The following PRR36 variants were observed in gnomAD, a reference collection of about 807,000 sequenced individuals.
PRR36 encodes proline rich 36.
A neutral mutation model predicts 58.6 loss-of-function variants in PRR36; 30 were observed. The observed-to-expected ratio is 0.51, with a 90% confidence interval of 0.38 to 0.69. The LOEUF (loss-of-function observed/expected upper bound fraction) is 0.69, where lower values mean the gene tolerates loss of function less well. Ranked by LOEUF, PRR36 falls within the 30% of genes least tolerant of loss-of-function variation. The probability of loss-of-function intolerance (pLI) is 0.00; values close to 1 mark genes in which losing one functional copy is unlikely to be tolerated. For synonymous variants in PRR36, 771 were observed against 829.3 expected (o/e 0.93, Z 1.21); for missense variants, 1,692 against 1,805.6 (o/e 0.94, Z 1.14).
In PRR36 at chr19:7,868,876, A is replaced by T. The variant is rs1392872765; in HGVS notation, c.*157T>A. On this transcript the variant is annotated 3_prime_UTR_variant, in exon 6 of 6. Transcript: ENST00000618550. The stretch of plus-strand genomic sequence containing the variant: ...AGGTCAAAGCTGTGGGTAGGTCCCG[A>T]GCCTCCGAGGCCAAAGGCTCAGGCT... 2.3e-6 allele frequency: 2 copies of T among 868,888 alleles called. No individual in the cohort carries two copies. The highest frequency in any genetic ancestry group is 3.3e-6 in the Non-Finnish European group (2 of 604,188). The allele number at this position is 868,888 out of a possible 1,614,324, so 53.8% of individuals were successfully genotyped here. A position where few individuals can be genotyped will look rare whatever the true frequency, so the allele number is the denominator to read the frequency against.
Position 7,868,951 on chromosome 19 carries a change from C to T in PRR36, c.*82G>A. The stretch of plus-strand genomic sequence containing the variant: ...CAGCGGGGCTCCAGGGCAGTGGAGG[C>T]GGGGTCTAAAACAAACGGCGTACCC... On this transcript the variant is annotated 3_prime_UTR_variant, in exon 6 of 6. Transcript: ENST00000618550. The T allele has an allele frequency of 7.1e-7, 1 of 1,399,230 alleles. No individual in the cohort carries two copies. The highest frequency in any genetic ancestry group is 9.4e-7 in the Non-Finnish European group (1 of 1,062,634). 86.7% of individuals were successfully genotyped at this position (1,399,230 alleles called of 1,614,324 possible).
rs1170518307 is a variant in PRR36, at chr19:7,871,735, C to T, written c.1509G>A (p.Pro503=). ...TTPPPQASPS[P]SPPSLQATPH... ...GCGTGGCCTGGAGAGAGGGCGGAGACGGGGAAGGACTGGCCTGCGGAGGGG... is the reference window on the plus strand; with the variant it reads ...GCGTGGCCTGGAGAGAGGGCGGAGATGGGGAAGGACTGGCCTGCGGAGGGG... The change falls in exon 5 of 6, where the codon CCG becomes CCA. Residue 503 remains proline (P), a synonymous_variant. Transcript: ENST00000618550. 2 of 1,535,558 alleles carry T rather than the reference C, an allele frequency of 1.3e-6. No individual in the cohort carries two copies. Among genetic ancestry groups the T allele is most frequent in the Admixed American group, 2.0e-5 (1 of 50,940 alleles).
rs12981352 is a variant in PRR36 at position 7,871,124 on chromosome 19, A to G, written c.2120T>C (p.Ile707Thr). The G allele has an allele frequency of 2.0e-6, 3 of 1,534,122 alleles. No homozygotes were observed. Among genetic ancestry groups the G allele is most frequent in the Non-Finnish European group, 2.6e-6 (3 of 1,146,230 alleles). Reference sequence around the variant, plus strand: ...AGATTGGGTCTCCAGAGGGGGCATGATCAGGGAAGAGAGAGGTGCCTGAGG... The same window carrying G: ...AGATTGGGTCTCCAGAGGGGGCATGGTCAGGGAAGAGAGAGGTGCCTGAGG... ...HSPQAPLSSL[I>T]MPPLETQSSL... The change falls in exon 5 of 6, where the codon ATC (isoleucine) becomes ACC (threonine). Residue 707 changes from isoleucine (I) to threonine (T), a missense_variant. Physicochemically the swap from Ile to Thr is moderately conservative, Grantham distance 89. Transcript: ENST00000618550.
Position 7,873,788 on chromosome 19 carries a change from CAT to C in PRR36, c.-7-94_-7-93del, listed in dbSNP as rs1980583721. 7.9e-7 allele frequency: 1 copy of C among 1,258,290 alleles called. No homozygotes were observed. Among genetic ancestry groups the C allele is most frequent in the Non-Finnish European group, 1.1e-6 (1 of 928,204 alleles). 77.9% of individuals were successfully genotyped at this position (1,258,290 alleles called of 1,614,324 possible). On this transcript the variant is annotated intron_variant, in intron 1 of 5. Coordinates refer to ENST00000618550, the MANE Select transcript of PRR36 (RefSeq NM_001190467.2). This position sits in a 1 kb window ranked among gnomAD's most constrained non-coding sequence, Gnocchi z 5.0. ...CTGCTACCTCACTGCCCTTTCGCAGCATCGCCACCCATGGACACTCAAACCTC... is the reference window on the plus strand; with the variant it reads ...CTGCTACCTCACTGCCCTTTCGCAGCCGCCACCCATGGACACTCAAACCTC...
Position 7,869,359 on chromosome 19 carries a change from G to C in PRR36, c.3715C>G (p.Pro1239Ala). 7.0e-7 allele frequency: 1 copy of C among 1,433,374 alleles called. No homozygotes were observed. 88.8% of individuals were successfully genotyped at this position (1,433,374 alleles called of 1,614,324 possible). ...GAGAGASSRS[P>A]KQARLGELPL... ...AGCTCGCCCAGGCGCGCCTGCTTCGGGCTCCGCGAGGACGCCCCGGCCCCG... is the reference window on the plus strand; with the variant it reads ...AGCTCGCCCAGGCGCGCCTGCTTCGCGCTCCGCGAGGACGCCCCGGCCCCG... The change falls in exon 6 of 6, where the codon CCG becomes GCG. Residue 1239 changes from proline (P) to alanine (A), a missense_variant. Around this residue, in one of 5 missense-constraint regions of PRR36, gnomAD observed 485 missense variants for 549.2 expected, o/e 0.88. Transcript: ENST00000618550.
chr19:7,868,892 G>C lies in PRR36; in HGVS notation c.*141C>G. The C allele has an allele frequency of 9.6e-7, 1 of 1,039,554 alleles. No individual in the cohort carries two copies. Among genetic ancestry groups the C allele is most frequent in the Non-Finnish European group, 1.3e-6 (1 of 757,056 alleles). The allele number at this position is 1,039,554 out of a possible 1,614,324, so 64.4% of individuals were successfully genotyped here. ...TAGGTCCCGAGCCTCCGAGGCCAAAGGCTCAGGCTCTAGGGAGCTAAGACT... is the reference window on the plus strand; with the variant it reads ...TAGGTCCCGAGCCTCCGAGGCCAAACGCTCAGGCTCTAGGGAGCTAAGACT... On this transcript the variant is annotated 3_prime_UTR_variant, in exon 6 of 6. Coordinates refer to ENST00000618550, the MANE Select transcript of PRR36 (RefSeq NM_001190467.2).
Position 7,873,030 on chromosome 19 carries a change from C to G in PRR36, c.375-69G>C. On this transcript the variant is annotated intron_variant, in intron 3 of 5. Transcript: ENST00000618550. This position sits in a 1 kb window ranked among gnomAD's most constrained non-coding sequence, Gnocchi z 5.0. ...GCTTCCCAAGTCTCTATTTTCCCAT[C>G]TGTGAAATGGGCATGTGCCCTCTCT... 1.4e-6 allele frequency: 2 copies of G among 1,411,470 alleles called. No homozygotes were observed. Among genetic ancestry groups the G allele is most frequent in the South Asian group, 1.2e-5 (1 of 80,198 alleles). 87.4% of individuals were successfully genotyped at this position (1,411,470 alleles called of 1,614,324 possible).
At position 7,870,856 on chromosome 19, in the gene PRR36, C is replaced by A. The variant is rs1449847630; in HGVS notation, c.2388G>T (p.Ser796=). 1 of 1,435,410 alleles carries A rather than the reference C, an allele frequency of 7.0e-7. No homozygotes were observed. The highest frequency in any genetic ancestry group is 1.5e-5 in the South Asian group (1 of 67,036). The allele number at this position is 1,435,410 out of a possible 1,614,324, so 88.9% of individuals were successfully genotyped here. A position where few individuals can be genotyped will look rare whatever the true frequency, so the allele number is the denominator to read the frequency against. ...PAPCPLQAPP[S]PLTTPPPETP... is the part of the protein sequence containing the mutation. Reference sequence around the variant, plus strand: ...TCTCCGGAGGGGGCGTGGTCAATGGCGAAGGTGGTGCTTGCAGAGGGCATG... The same window carrying A: ...TCTCCGGAGGGGGCGTGGTCAATGGAGAAGGTGGTGCTTGCAGAGGGCATG... Residue 796 remains serine, a synonymous_variant, in exon 5 of 6, where the codon TCG becomes TCT. Transcript: ENST00000618550.
chr19:7,871,123 G>A lies in PRR36; in HGVS notation c.2121C>T (p.Ile707=), dbSNP rs1357978280. The change falls in exon 5 of 6, where the codon ATC becomes ATT. Residue 707 remains isoleucine (I), a synonymous_variant. Coordinates refer to ENST00000618550, the MANE Select transcript of PRR36 (RefSeq NM_001190467.2). ...AAGATTGGGTCTCCAGAGGGGGCAT[G>A]ATCAGGGAAGAGAGAGGTGCCTGAG... ...HSPQAPLSSL[I]MPPLETQSSL... The A allele has an allele frequency of 5.9e-6, 9 of 1,535,184 alleles. No individual in the cohort carries two copies. Among genetic ancestry groups the A allele is most frequent in the Non-Finnish European group, 7.0e-6 (8 of 1,146,540 alleles).
At position 7,869,974 on chromosome 19, in the gene PRR36, C is replaced by G. The variant is rs1264283456; in HGVS notation, c.3270G>C (p.Ser1090=). ...CCAACGCCAGGGTCAGCCGTGGGCC[C>G]GAGACGGAGGTATCCGGACCCGGGG... ...PPTPGPDTSV[S]GPRLTLALAP... The change falls in exon 5 of 6, where the codon TCG becomes TCC. Residue 1090 remains serine (S), a synonymous_variant. Coordinates refer to ENST00000618550, the MANE Select transcript of PRR36 (RefSeq NM_001190467.2). The G allele has an allele frequency of 2.2e-6, 3 of 1,391,186 alleles. No homozygotes were observed. Among genetic ancestry groups the G allele is most frequent in the South Asian group, 1.6e-5 (1 of 63,914 alleles). 86.2% of individuals were successfully genotyped at this position (1,391,186 alleles called of 1,614,324 possible). A position where few individuals can be genotyped will look rare whatever the true frequency, so the allele number is the denominator to read the frequency against.
rs994025028 is a variant in PRR36, at chr19:7,868,973, A to G, written c.*60T>C. The stretch of plus-strand genomic sequence containing the variant: ...AGGCGGGGTCTAAAACAAACGGCGT[A>G]CCCGGAGGGGCGGATCCTAAGGCAG... On this transcript the variant is annotated 3_prime_UTR_variant, in exon 6 of 6. Transcript: ENST00000618550. 2.8e-6 allele frequency: 4 copies of G among 1,449,052 alleles called. No homozygotes were observed. In the Admixed American group the frequency reaches 9.4e-5, roughly 34 times the overall value. 89.8% of individuals were successfully genotyped at this position (1,449,052 alleles called of 1,614,324 possible). A position where few individuals can be genotyped will look rare whatever the true frequency, so the allele number is the denominator to read the frequency against.
chr19:7,870,023 A>G lies in PRR36; in HGVS notation c.3221T>C (p.Leu1074Pro). The change falls in exon 5 of 6, where the codon CTG becomes CCG. Residue 1074 changes from leucine (L) to proline (P), a missense_variant. Leu to Pro is a moderately conservative substitution (Grantham distance 98). This residue lies in a region of PRR36 where 485 missense variants were observed against 549.2 expected (regional missense o/e 0.88). Transcript: ENST00000618550. ...VPPSPPASPT[L>P]QAPRRPPTPG... is the part of the protein sequence containing the mutation. ...GGTCGGGGGGCGGCGTGGGGCCTGC[A>G]GGGTGGGTGAGGCAGGGGGAGAGGG... The G allele has an allele frequency of 1.4e-6, 2 of 1,410,702 alleles. No homozygotes were observed. Among genetic ancestry groups the G allele is most frequent in the Non-Finnish European group, 1.8e-6 (2 of 1,084,352 alleles). 87.4% of individuals were successfully genotyped at this position (1,410,702 alleles called of 1,614,324 possible). A position where few individuals can be genotyped will look rare whatever the true frequency, so the allele number is the denominator to read the frequency against.
In PRR36 at chr19:7,869,557, A is replaced by T; in HGVS notation, c.3530-13T>A. ...GGCAGGGGCGCACCTGCGGGGAGAG[A>T]CGCCAGGTGGGCCGTGGGGGTGATA... On this transcript the variant is annotated splice_polypyrimidine_tract_variant and intron_variant, in intron 5 of 5. Coordinates refer to ENST00000618550, the MANE Select transcript of PRR36 (RefSeq NM_001190467.2). 6.6e-7 allele frequency: 1 copy of T among 1,516,648 alleles called. No homozygotes were observed. The highest frequency in any genetic ancestry group is 8.8e-7 in the Non-Finnish European group (1 of 1,138,526). The allele number at this position is 1,516,648 out of a possible 1,614,324, so 93.9% of individuals were successfully genotyped here.
intron 5 of PRR36, 84 bp downstream of exon 5, chr19:7,869,631 C>T (rs1980281114): frequency 1.4e-6 from 2 of 1,446,296 alleles, no homozygotes; most frequent in East Asian, 2.9e-5. Context: ...AGCTCCGCCC[C>T]GGACCCAGCT....
In PRR36 at chr19:7,872,778, A is replaced by C; in HGVS notation, c.488-22T>G. The C allele has an allele frequency of 1.3e-6, 2 of 1,506,122 alleles. No individual in the cohort carries two copies. Among genetic ancestry groups the C allele is most frequent in the Non-Finnish European group, 1.8e-6 (2 of 1,132,182 alleles). 93.3% of individuals were successfully genotyped at this position (1,506,122 alleles called of 1,614,324 possible). A position where few individuals can be genotyped will look rare whatever the true frequency, so the allele number is the denominator to read the frequency against. ...GTGTCTGGAGAAAAAGTAGAAGGCC[A>C]AGGGTCACCGATACCTCTGAGGCGG... is the stretch of plus-strand genomic sequence containing the variant. On this transcript the variant is annotated intron_variant, in intron 4 of 5. Coordinates refer to ENST00000618550, the MANE Select transcript of PRR36 (RefSeq NM_001190467.2). The surrounding 1 kb of genome is among the most constrained non-coding windows in gnomAD (Gnocchi z 6.1).
At position 7,869,915 on chromosome 19, in the gene PRR36, G is replaced by A. The variant is rs1980297311; in HGVS notation, c.3329C>T (p.Pro1110Leu). The A allele has an allele frequency of 7.3e-7, 1 of 1,363,568 alleles. No individual in the cohort carries two copies. The highest frequency in any genetic ancestry group is 9.4e-7 in the Non-Finnish European group (1 of 1,065,302). 84.5% of individuals were successfully genotyped at this position (1,363,568 alleles called of 1,614,324 possible). Reference sequence around the variant, plus strand: ...GTCTGGGCCGCTCAGCGTGCTGGACGGGCTGCGCGAGGGCGGCGGCGGCGG... The same window carrying A: ...GTCTGGGCCGCTCAGCGTGCTGGACAGGCTGCGCGAGGGCGGCGGCGGCGG... Reference protein sequence around the residue: ...PGPPPPPSRSPSSTLSGPDLA... With the variant: ...PGPPPPPSRSLSSTLSGPDLA... Residue 1110 changes from proline to leucine, a missense_variant, in exon 5 of 6, where the codon CCG becomes CTG. Around this residue, in one of 5 missense-constraint regions of PRR36, gnomAD observed 485 missense variants for 549.2 expected, o/e 0.88. Coordinates refer to ENST00000618550, the MANE Select transcript of PRR36 (RefSeq NM_001190467.2).
In PRR36 at chr19:7,871,727, G is replaced by A; in HGVS notation, c.1517C>T (p.Pro506Leu). The A allele has an allele frequency of 6.5e-7, 1 of 1,536,068 alleles. No homozygotes were observed. Among genetic ancestry groups the A allele is most frequent in the East Asian group, 2.4e-5 (1 of 40,920 alleles). ...PPQASPSPSP[P>L]SLQATPHTLA... ...AGTGTGGGGCGTGGCCTGGAGAGAG[G>A]GCGGAGACGGGGAAGGACTGGCCTG... Residue 506 changes from proline to leucine, a missense_variant, in exon 5 of 6, where the codon CCC becomes CTC. Physicochemically the swap from Pro to Leu is moderately conservative, Grantham distance 98 (BLOSUM62 -3). Coordinates refer to ENST00000618550, the MANE Select transcript of PRR36 (RefSeq NM_001190467.2).
At position 7,870,007 on chromosome 19, in the gene PRR36, G is replaced by T. The variant is rs1043176062; in HGVS notation, c.3237C>A (p.Arg1079=). 2.4e-5 allele frequency: 34 copies of T among 1,408,020 alleles called. No individual in the cohort carries two copies. In the African/African-American group the frequency reaches 2.4e-4, roughly 10 times the overall value. 87.2% of individuals were successfully genotyped at this position (1,408,020 alleles called of 1,614,324 possible). ...PASPTLQAPR[R]PPTPGPDTSV... is the part of the protein sequence containing the mutation. ...AGGTATCCGGACCCGGGGTCGGGGG[G>T]CGGCGTGGGGCCTGCAGGGTGGGTG... The change falls in exon 5 of 6, where the codon CGC becomes CGA. Residue 1079 remains arginine, a synonymous_variant. Transcript: ENST00000618550.
In PRR36 at chr19:7,870,059, A is replaced by G; in HGVS notation, c.3185T>C (p.Leu1062Pro). 6.8e-7 allele frequency: 1 copy of G among 1,473,072 alleles called. No individual in the cohort carries two copies. The highest frequency in any genetic ancestry group is 1.3e-5 in the South Asian group (1 of 76,114). The allele number at this position is 1,473,072 out of a possible 1,614,324, so 91.3% of individuals were successfully genotyped here. ...GGCAGGGGGAGAGGGAGGGACCTGC[A>G]GAAGGGGCGCTGCCAGAACAGGTGG... ...QAPPVLAAPL[L>P]QVPPSPPASP... The change falls in exon 5 of 6, where the codon CTG (leucine) becomes CCG (proline). Residue 1062 changes from leucine to proline, a missense_variant. Coordinates refer to ENST00000618550, the MANE Select transcript of PRR36 (RefSeq NM_001190467.2).
Sources: gnomAD v4.1 joint callset for allele counts on GRCh38, gnomAD v4.1.1 for gene constraint, gnomAD v4.1.1 regional missense constraint, Gnocchi (gnomAD v3.1) non-coding constraint, MANE v1.5 for transcripts, NCBI Gene and HGNC (gene_info 2026-07-23, HGNC 2026-07-21) for gene names.